Variants in UROC1 observed in about 807,000 individuals in gnomAD.
UROC1 encodes the protein urocanate hydratase 1.
Under a neutral mutation model 89.5 loss-of-function variants are expected in UROC1, and 79 were observed. That is an observed-to-expected ratio of 0.88 (90% CI 0.74 to 1.06). The LOEUF (loss-of-function observed/expected upper bound fraction) is 1.06, where lower values mean the gene tolerates loss of function less well. UROC1 is among the 50% of genes least tolerant of loss of function. The probability of loss-of-function intolerance (pLI) is 0.00; values close to 1 mark genes in which losing one functional copy is unlikely to be tolerated. For synonymous variants in UROC1, 361 were observed against 354.8 expected (o/e 1.02, Z -0.20); for missense variants, 885 against 907.8 (o/e 0.97, Z 0.32).
chr3:126,512,069 G>A (rs1936207309), intron 1 of UROC1, among the ~76,000 whole-genome samples: 1 of 152,172 alleles, frequency 6.6e-6, no homozygotes, highest in African/African-American at 2.4e-5. Flanking sequence ...TTTTAAGTGG[G>A]GAAGAAAGGC....
At chr3:126,517,270 G>A (rs1024107542) in intron 1 of UROC1, among the ~76,000 whole-genome samples, 1 of 152,178 alleles carries the variant, frequency 6.6e-6, no homozygotes, top group Non-Finnish European at 1.5e-5. Context: ...TGGGGTGGAC[G>A]CGGCGCTTGG....
At position 126,500,779 on chromosome 3, in the gene UROC1, T is replaced by C; in HGVS notation, c.1061A>G (p.Tyr354Cys). The change falls in exon 11 of 20, where the codon TAC (tyrosine) becomes TGC (cysteine). Residue 354 changes from tyrosine (Y) to cysteine (C), a missense_variant. Transcript: ENST00000290868. The stretch of plus-strand genomic sequence containing the variant: ...CGTGAAGCTGAGCTGCACAGGGTAG[T>C]AGCCGCCATTGAACGGGTTGTGGCA... ...TSCHNPFNGG[Y>C]YPVQLSFTEA... 1 of 1,614,100 alleles carries C rather than the reference T, an allele frequency of 6.2e-7. No individual in the cohort carries two copies. Among genetic ancestry groups the C allele is most frequent in the Non-Finnish European group, 8.5e-7 (1 of 1,180,022 alleles).
intron 4 of UROC1, 42 bp downstream of exon 4, chr3:126,508,374 G>A: frequency 6.2e-7 from 1 of 1,602,044 alleles, no homozygotes; most frequent in Admixed American, 1.7e-5. Flanking sequence ...CAGACTAGAG[G>A]AAAGGCCAGG....
At chr3:126,512,950 GT>G (rs1268186886) in intron 1 of UROC1, among the ~76,000 whole-genome samples, 3 of 152,222 alleles carry the variant, frequency 2.0e-5, no homozygotes, top group African/African-American at 7.2e-5. Context: ...ATAAATATGT[GT>G]TGTTTTAAGC....
intron 15 of UROC1, among the ~76,000 whole-genome samples, chr3:126,493,617 T>C (rs1188677557): frequency 1.3e-5 from 2 of 151,804 alleles, no homozygotes; most frequent in African/African-American, 4.8e-5. Context: ...GGGACAGAGT[T>C]TTGGTTTGGG....
chr3:126,500,081 A>G lies in UROC1; in HGVS notation c.1219T>C (p.Phe407Leu), dbSNP rs757676146. 1 of 1,613,754 alleles carries G rather than the reference A, an allele frequency of 6.2e-7. No homozygotes were observed. The highest frequency in any genetic ancestry group is 1.1e-5 in the South Asian group (1 of 91,080). Residue 407 changes from phenylalanine (F) to leucine (L), a missense_variant, in exon 12 of 20, where the codon TTC becomes CTC. Transcript: ENST00000290868. Reference protein sequence around the residue: ...KFFFWDYGNAFLLEAQRAGAD... With the variant: ...KFFFWDYGNALLLEAQRAGAD... ...CCTGCTCTCTGGGCCTCCAAGAGGAAGGCATTGCCGTAGTCCCAGAAGAAG... is the reference window on the plus strand; with the variant it reads ...CCTGCTCTCTGGGCCTCCAAGAGGAGGGCATTGCCGTAGTCCCAGAAGAAG...
chr3:126,497,943 T>C, intron 14 of UROC1, 108 bp downstream of exon 14: 1 of 1,591,886 alleles, frequency 6.3e-7, no homozygotes, highest in Non-Finnish European at 8.6e-7. Context: ...TGCGCCCAGG[T>C]TCCCTCCCAG....
chr3:126,483,568 C>T, intron 18 of UROC1, 100 bp from the exon 19 acceptor site: 1 of 1,166,238 alleles, frequency 8.6e-7, no homozygotes, highest in East Asian at 2.6e-5. Context: ...GAGACGGCGT[C>T]AGGGTTGGGG....
At chr3:126,500,388 T>C (rs759347616) in intron 11 of UROC1, among the ~76,000 whole-genome samples, 5 of 151,770 alleles carry the variant, frequency 3.3e-5, no homozygotes, top group Admixed American at 6.6e-5. Flanking sequence ...CATTTCCTGG[T>C]CCCCAACCCC....
At chr3:126,503,188 A>G (rs545815630) in intron 9 of UROC1, among the ~76,000 whole-genome samples, 1 of 152,328 alleles carries the variant, frequency 6.6e-6, no homozygotes, top group African/African-American at 2.4e-5. Flanking sequence ...AAGAGGGTGC[A>G]ATGTGGTTGG....
chr3:126,489,448 G>T, intron 16 of UROC1, 73 bp from the exon 17 acceptor site: 1 of 1,275,320 alleles, frequency 7.8e-7, no homozygotes, highest in Non-Finnish European at 1.1e-6. Context: ...TGAGGACAAG[G>T]GGCAGGTCAC....
At chr3:126,485,591 A>ATTTTTTT (rs372032139) in intron 18 of UROC1, among the ~76,000 whole-genome samples, 1 of 134,470 alleles carries the variant, frequency 7.4e-6, no homozygotes. Context: ...TTCCCCATTT[A>ATTTTTTT]TTTATTTATT....
rs1253431072 is a variant in UROC1, at chr3:126,501,199, A to G, written c.965+19T>C. 1.2e-6 allele frequency: 2 copies of G among 1,613,496 alleles called. No individual in the cohort carries two copies. The highest frequency in any genetic ancestry group is 1.7e-6 in the Non-Finnish European group (2 of 1,179,816). On this transcript the variant is annotated intron_variant, in intron 10 of 19. Coordinates refer to ENST00000290868, the MANE Select transcript of UROC1 (RefSeq NM_144639.3). The stretch of plus-strand genomic sequence containing the variant: ...ATCTGGGTTCCCAAGCTGGCCATCA[A>G]CTCCCAACCCCCACTCACCAAAGAG...
At chr3:126,490,362 C>T (rs1041470066) in intron 16 of UROC1, among the ~76,000 whole-genome samples, 12 of 152,116 alleles carry the variant, frequency 7.9e-5, no homozygotes, top group African/African-American at 2.9e-4. Flanking sequence ...CAGCTGACTC[C>T]CTTATGCTGT....
In UROC1 at chr3:126,500,118, G is replaced by T. The variant is rs367924965; in HGVS notation, c.1182C>A (p.Ala394=). ...RRQVSAINRL[A]EEKFFFWDYG... ...AGTCCCAGAAGAAGAACTTCTCCTC[G>T]GCCAACCTGTTGATGGCTGAGACTT... Residue 394 remains alanine, a synonymous_variant, in exon 12 of 20, where the codon GCC becomes GCA. Transcript: ENST00000290868. 2 of 1,613,784 alleles carry T rather than the reference G, an allele frequency of 1.2e-6. No homozygotes were observed. Among genetic ancestry groups the T allele is most frequent in the Non-Finnish European group, 1.7e-6 (2 of 1,180,026 alleles).
chr3:126,510,804 G>A lies in UROC1; in HGVS notation c.127-10C>T, dbSNP rs773024299. On this transcript the variant is annotated splice_polypyrimidine_tract_variant and intron_variant, in intron 1 of 19. Coordinates refer to ENST00000290868, the MANE Select transcript of UROC1 (RefSeq NM_144639.3). ...CGTTCCTCAGCGCCAGCTGGGGTAGGAGAGCGGAGAGGCAGTCGGGGCTGG... is the reference window on the plus strand; with the variant it reads ...CGTTCCTCAGCGCCAGCTGGGGTAGAAGAGCGGAGAGGCAGTCGGGGCTGG... 3.7e-6 allele frequency: 6 copies of A among 1,611,714 alleles called. No individual in the cohort carries two copies. Among genetic ancestry groups the A allele is most frequent in the Non-Finnish European group, 5.1e-6 (6 of 1,179,800 alleles).
At chr3:126,501,428 T>C in intron 9 of UROC1, 148 bp from the exon 10 acceptor site, 2 of 923,368 alleles carry the variant, frequency 2.2e-6, no homozygotes, top group South Asian at 1.4e-5. Flanking sequence ...GGCTGGGCCA[T>C]GAAGCATGCC....
rs1223141027 is a variant in UROC1 at position 126,500,071 on chromosome 3, T to G, written c.1229A>C (p.Glu410Ala). ...FWDYGNAFLL[E>A]AQRAGADVEK... ...CTTCCTCCTACCTGCTCTCTGGGCC[T>G]CCAAGAGGAAGGCATTGCCGTAGTC... The change falls in exon 12 of 20, where the codon GAG (glutamate) becomes GCG (alanine). Residue 410 changes from glutamate (E) to alanine (A), a missense_variant. Coordinates refer to ENST00000290868, the MANE Select transcript of UROC1 (RefSeq NM_144639.3). 1.2e-6 allele frequency: 2 copies of G among 1,613,502 alleles called. No individual in the cohort carries two copies. The highest frequency in any genetic ancestry group is 2.7e-5 in the African/African-American group (2 of 75,038).
At chr3:126,504,836 C>A (rs1372882742) in intron 8 of UROC1, among the ~76,000 whole-genome samples, 1 of 152,148 alleles carries the variant, frequency 6.6e-6, no homozygotes, top group African/African-American at 2.4e-5. Context: ...AAGAAAGATG[C>A]GAGAGCCTAC....
Sources: allele counts gnomAD v4.1 joint callset (sites outside exome capture counted in the v4.1 genomes callset), GRCh38; gene constraint gnomAD v4.1.1; transcripts MANE v1.5; gene names NCBI Gene and HGNC (gene_info 2026-07-23, HGNC 2026-07-21).